The following IBTK variants were observed in gnomAD, a reference collection of about 807,000 sequenced individuals.
IBTK encodes BTK-binding protein.
Under a neutral mutation model 154.9 loss-of-function variants are expected in IBTK, and 83 were observed. The observed-to-expected ratio is 0.54, with a 90% CI of 0.45 to 0.64. The LOEUF (loss-of-function observed/expected upper bound fraction) is 0.64. Among genes scored for constraint, IBTK ranks in the 30% least tolerant of loss-of-function variants. The pLI, the probability that IBTK is intolerant of heterozygous loss-of-function variation, is 0.00. For missense variants in IBTK, 1,332 were observed against 1,584.6 expected (o/e 0.84, Z 2.71); for synonymous variants, 515 against 536.1 (o/e 0.96, Z 0.54).
intron 16 of IBTK, among the ~76,000 whole-genome samples, chr6:82,210,137 T>C (rs1039602722): frequency 1.3e-5 from 2 of 152,216 alleles, no homozygotes; most frequent in Non-Finnish European, 2.9e-5. Flanking sequence ...ATGACCTCTC[T>C]TCATAAATTT....
At chr6:82,173,462 A>G in intron 26 of IBTK, 24 bp from the exon 27 acceptor site, 2 of 1,591,384 alleles carry the variant, frequency 1.3e-6, no homozygotes, top group Non-Finnish European at 1.7e-6. Context: ...GCCAAAATTA[A>G]AGATTAAAGC....
At chr6:82,196,200 C>A (rs1768979650) in intron 22 of IBTK, 98 bp downstream of exon 22, 2 of 988,286 alleles carry the variant, frequency 2.0e-6, no homozygotes, top group Non-Finnish European at 2.9e-6. Context: ...AACCTGGAAA[C>A]TGTTTTAAAA....
chr6:82,194,573 T>G lies in IBTK; in HGVS notation c.3244A>C (p.Lys1082Gln). The G allele has an allele frequency of 6.2e-7, 1 of 1,612,072 alleles. No homozygotes were observed. Among genetic ancestry groups the G allele is most frequent in the Non-Finnish European group, 8.5e-7 (1 of 1,178,876 alleles). Residue 1082 changes from lysine to glutamine, a missense_variant, in exon 23 of 29, where the codon AAG (lysine) becomes CAG (glutamine). Lys to Gln is a moderately conservative substitution (Grantham distance 53). Around this residue, in one of 3 missense-constraint regions of IBTK, gnomAD observed 1,134 missense variants for 1,274.7 expected, o/e 0.89. Coordinates refer to ENST00000306270, the MANE Select transcript of IBTK (RefSeq NM_015525.4). ...GCAGATATTTTAAGTATTGGTGACT[T>G]TTCCCATGGTTTTAAATCTTCCCTA... ...YSREDLKPWE[K>Q]SPILKISAPQ...
intron 2 of IBTK, among the ~76,000 whole-genome samples, chr6:82,238,829 C>A (rs1770833706): frequency 6.6e-6 from 1 of 152,018 alleles, no homozygotes; most frequent in Non-Finnish European, 1.5e-5. Flanking sequence ...ACCTCTGCCT[C>A]CTGGGCTTAG....
rs1293440321 is a variant in IBTK at position 82,172,426 on chromosome 6, T to C, written c.3884A>G (p.Glu1295Gly). 22 of 1,613,978 alleles carry C rather than the reference T, an allele frequency of 1.4e-5. No homozygotes were observed. Among genetic ancestry groups the C allele is most frequent in the Non-Finnish European group, 1.9e-5 (22 of 1,179,900 alleles). The change falls in exon 28 of 29, where the codon GAA (glutamate) becomes GGA (glycine). Residue 1295 changes from glutamate (E) to glycine (G), a missense_variant. By Grantham distance (98) the Glu-to-Gly change is moderately conservative. Transcript: ENST00000306270. ...ASIVEEELQQ[E>G]AALIRSREKP... ...TTCTCGACTTCTAATAAGAGCTGCTTCTTGTTGTAGTTCTTCTTCTACAAT... is the reference window on the plus strand; with the variant it reads ...TTCTCGACTTCTAATAAGAGCTGCTCCTTGTTGTAGTTCTTCTTCTACAAT...
chr6:82,200,753 G>GTTTTTTT (rs138809525), intron 19 of IBTK, 45 bp from the exon 20 acceptor site: 313 of 393,348 alleles, frequency 8.0e-4, no homozygotes, highest in South Asian at 2.6e-3. Flanking sequence ...AATCTGTGAA[G>GTTTTTTT]TTTTTTTTTT....
chr6:82,183,551 A>G (rs1768395754), intron 25 of IBTK, among the ~76,000 whole-genome samples: 1 of 152,248 alleles, frequency 6.6e-6, no homozygotes, highest in African/African-American at 2.4e-5. Context: ...GAAAGTCTAT[A>G]TAGACTATAT....
At chr6:82,179,325 GT>G (rs2127798101) in intron 26 of IBTK, among the ~76,000 whole-genome samples, 1 of 152,270 alleles carries the variant, frequency 6.6e-6, no homozygotes, top group East Asian at 1.9e-4. Flanking sequence ...TTTGATTTTG[GT>G]TTTATGAGAT....
chr6:82,200,816 G>T, intron 19 of IBTK, 108 bp from the exon 20 acceptor site: 1 of 1,212,024 alleles, frequency 8.3e-7, no homozygotes, highest in Non-Finnish European at 1.1e-6. Flanking sequence ...TGGCCAGGCT[G>T]TTTGGAACAC....
At chr6:82,192,720 C>T (rs1263334030) in intron 23 of IBTK, among the ~76,000 whole-genome samples, 4 of 148,624 alleles carry the variant, frequency 2.7e-5, no homozygotes, top group South Asian at 4.3e-4. Flanking sequence ...GCACTACAGC[C>T]TGGGCAATGA....
At chr6:82,209,579 T>C (rs1356063234) in intron 16 of IBTK, among the ~76,000 whole-genome samples, 2 of 152,178 alleles carry the variant, frequency 1.3e-5, no homozygotes, top group Non-Finnish European at 2.9e-5. Context: ...GAGTGGGAAG[T>C]GTCTGCTAAT....
chr6:82,215,488 G>A (rs17663636), intron 11 of IBTK, among the ~76,000 whole-genome samples: 2,504 of 152,136 alleles, frequency 0.016, 25 homozygotes, highest in Non-Finnish European at 0.024. Flanking sequence ...ACATCATACA[G>A]TATGAAAGAC....
chr6:82,229,860 T>C (rs9353058), intron 4 of IBTK, among the ~76,000 whole-genome samples: 36,296 of 152,084 alleles, frequency 0.24, 4,395 homozygotes, highest in African/African-American at 0.28. Context: ...CCTATATGGG[T>C]TTTTATTCCT....
chr6:82,227,580 A>G (rs1770342753), intron 4 of IBTK, among the ~76,000 whole-genome samples: 1 of 152,162 alleles, frequency 6.6e-6, no homozygotes, highest in Non-Finnish European at 1.5e-5. Flanking sequence ...AAAGGAAAAT[A>G]TAATTTTAAA....
At chr6:82,220,272 A>G (rs1487704966) in intron 9 of IBTK, among the ~76,000 whole-genome samples, 2 of 152,208 alleles carry the variant, frequency 1.3e-5, no homozygotes, top group Non-Finnish European at 2.9e-5. Flanking sequence ...ATTCAGTGTC[A>G]TTTATCAGTA....
Position 82,216,175 on chromosome 6 carries a change from A to G in IBTK, c.1502T>C (p.Ile501Thr), listed in dbSNP as rs1769865922. Residue 501 changes from isoleucine to threonine, a missense_variant, in exon 11 of 29, where the codon ATT becomes ACT. Ile to Thr is a moderately conservative substitution (Grantham distance 89). This residue lies in a region of IBTK where 1,134 missense variants were observed against 1,274.7 expected (regional missense o/e 0.89). Transcript: ENST00000306270. ...VSDINSVYERIRLEKLTFAHR... is the reference protein window; with the variant it reads ...VSDINSVYERTRLEKLTFAHR... ...TGCAAAGGTAAGTTTCTCAAGTCGA[A>G]TTCTTTCATACACACTATTTATATC... The G allele has an allele frequency of 6.2e-7, 1 of 1,612,778 alleles. No individual in the cohort carries two copies.
chr6:82,222,262 T>C (rs777999241), intron 8 of IBTK, among the ~76,000 whole-genome samples: 2 of 152,110 alleles, frequency 1.3e-5, no homozygotes, highest in Non-Finnish European at 2.9e-5. Context: ...TCATGGATGG[T>C]ACCTGTTTTA....
At chr6:82,239,825 C>T (rs1266653442) in intron 2 of IBTK, among the ~76,000 whole-genome samples, 2 of 150,536 alleles carry the variant, frequency 1.3e-5, no homozygotes, top group Non-Finnish European at 3.0e-5. Context: ...ATAAATTGTG[C>T]TTACTTAATG....
intron 26 of IBTK, among the ~76,000 whole-genome samples, chr6:82,177,240 C>G (rs1768155548): frequency 6.6e-6 from 1 of 151,936 alleles, no homozygotes. Context: ...GACAGAGTCT[C>G]ACTCTGTCGC....
Sources: gnomAD v4.1 joint callset for allele counts (sites outside exome capture counted in the v4.1 genomes callset) on GRCh38, gnomAD v4.1.1 for gene constraint, gnomAD v4.1.1 regional missense constraint, MANE v1.5 for transcripts, NCBI Gene and HGNC (gene_info 2026-07-23, HGNC 2026-07-21) for gene names.